Variants in LRP1 observed in about 807,000 individuals in gnomAD.
LRP1 encodes prolow-density lipoprotein receptor-related protein 1.
In LRP1, 51 loss-of-function variants were observed where a neutral mutation model predicts 541.5. The ratio of observed to expected loss-of-function variants is 0.09; its 90% CI spans 0.08 to 0.12. The LOEUF is 0.12. Ranked by LOEUF, LRP1 falls within the 10% of genes least tolerant of loss-of-function variation. LRP1 has a pLI of 1.00. For missense variants in LRP1, 3,878 were observed against 6,376.2 expected, an observed-to-expected ratio of 0.61 and a Z score of 13.34; for synonymous variants, 2,219 against 2,470.8, an observed-to-expected ratio of 0.90 and a Z score of 3.02.
intron 51 of LRP1, 72 bp downstream of exon 51, chr12:57,195,173 C>A: frequency 6.3e-7 from 1 of 1,591,686 alleles, no homozygotes; most frequent in South Asian, 1.1e-5. Context: ...CCACCCCACA[C>A]ACAGACACCC....
At chr12:57,166,293 G>A (rs981006946) in intron 17 of LRP1, 84 bp downstream of exon 17, 2 of 1,483,732 alleles carry the variant, frequency 1.3e-6, no homozygotes, top group African/African-American at 2.8e-5. Context: ...AGTGGCTCAT[G>A]CCTATAATCT....
intron 2 of LRP1, among the ~76,000 whole-genome samples, 174 bp downstream of exon 2, chr12:57,138,755 A>G (rs2035226310): frequency 6.6e-6 from 1 of 152,216 alleles, no homozygotes; most frequent in Admixed American, 6.5e-5. Flanking sequence ...AATGCTTGGC[A>G]TGGTGCCTGT....
chr12:57,187,384 T>C lies in LRP1; in HGVS notation c.6959T>C (p.Phe2320Ser), dbSNP rs1170255895. 4 of 1,614,188 alleles carry C rather than the reference T, an allele frequency of 2.5e-6. No individual in the cohort carries two copies. The highest frequency in any genetic ancestry group is 3.4e-6 in the Non-Finnish European group (4 of 1,180,042). Residue 2320 changes from phenylalanine (F) to serine (S), a missense_variant, in exon 42 of 89, where the codon TTC (phenylalanine) becomes TCC (serine). Physicochemically the swap from Phe to Ser is radical, Grantham distance 155. Transcript: ENST00000243077. ...GTGGACCAGACCCGCCCAGGGGCCT[T>C]CGAGCGTGAGACCGTCATCACTATG... ...HTVDQTRPGA[F>S]ERETVITMSG...
Position 57,204,339 on chromosome 12 carries a change from C to G in LRP1, c.10952-71C>G. 1 of 1,451,358 alleles carries G rather than the reference C, an allele frequency of 6.9e-7. No individual in the cohort carries two copies. 89.9% of individuals were successfully genotyped at this position (1,451,358 alleles called of 1,614,324 possible). On this transcript the variant is annotated intron_variant, in intron 70 of 88. Coordinates refer to ENST00000243077, the MANE Select transcript of LRP1 (RefSeq NM_002332.3). This position sits in a 1 kb window ranked among gnomAD's most constrained non-coding sequence, Gnocchi z 5.3. ...CTGGTGACCCCTCTGAGCCTGGAAC[C>G]CCCACCTGTGGAGACAGGGGTCTGG...
chr12:57,158,486 A>T lies in LRP1; in HGVS notation c.1646A>T (p.Asp549Val), dbSNP rs2035665527. 1 of 1,614,042 alleles carries T rather than the reference A, an allele frequency of 6.2e-7. No individual in the cohort carries two copies. Among genetic ancestry groups the T allele is most frequent in the Non-Finnish European group, 8.5e-7 (1 of 1,180,010 alleles). Residue 549 changes from aspartate (D) to valine (V), a missense_variant, in exon 11 of 89, where the codon GAT (aspartate) becomes GTT (valine). By Grantham distance (152) the Asp-to-Val change is radical (BLOSUM62 -3). Coordinates refer to ENST00000243077, the MANE Select transcript of LRP1 (RefSeq NM_002332.3). The surrounding 1 kb of genome is among the most constrained non-coding windows in gnomAD (Gnocchi z 5.3). ...ATGGATATGGGGGCCAAGGTCCCGG[A>T]TGAGCACATGATCCCCATTGAAAAC... is the stretch of plus-strand genomic sequence containing the variant. ...RGMDMGAKVP[D>V]EHMIPIENLM...
chr12:57,201,206 G>A lies in LRP1; in HGVS notation c.10345+53G>A. 2 of 1,608,158 alleles carry A rather than the reference G, an allele frequency of 1.2e-6. No homozygotes were observed. The highest frequency in any genetic ancestry group is 8.5e-7 in the Non-Finnish European group (1 of 1,175,540). ...GTGGTGGGAGATGACACGGAAGCAG[G>A]GCAGGCAGAATCTCCCCACAGCTTT... On this transcript the variant is annotated intron_variant, in intron 65 of 88. Coordinates refer to ENST00000243077, the MANE Select transcript of LRP1 (RefSeq NM_002332.3). This position sits in a 1 kb window ranked among gnomAD's most constrained non-coding sequence, Gnocchi z 6.4.
At position 57,203,384 on chromosome 12, in the gene LRP1, C is replaced by T. The variant is rs750248371; in HGVS notation, c.10819-5C>T. On this transcript the variant is annotated splice_polypyrimidine_tract_variant and splice_region_variant and intron_variant, in intron 69 of 88. Coordinates refer to ENST00000243077, the MANE Select transcript of LRP1 (RefSeq NM_002332.3). ...GTGACCGGCTGCCTGTGCCCATGCC[C>T]ACAGAAAGACTGCACCCCCCGCTGT... 14 of 1,603,042 alleles carry T rather than the reference C, an allele frequency of 8.7e-6. No individual in the cohort carries two copies. Among genetic ancestry groups the T allele is most frequent in the Middle Eastern group, 3.3e-4 (2 of 6,042 alleles).
At chr12:57,174,064 T>A in intron 22 of LRP1, 84 bp downstream of exon 22, 2 of 1,397,036 alleles carry the variant, frequency 1.4e-6, no homozygotes, top group Middle Eastern at 2.4e-4. Flanking sequence ...GACCTGAGTC[T>A]AGGAGAGAGC....
In LRP1 at chr12:57,175,453, C is replaced by T. The variant is rs748365756; in HGVS notation, c.3548-7C>T. The T allele has an allele frequency of 1.2e-6, 2 of 1,612,604 alleles. No individual in the cohort carries two copies. Among genetic ancestry groups the T allele is most frequent in the Non-Finnish European group, 1.7e-6 (2 of 1,180,018 alleles). On this transcript the variant is annotated splice_region_variant and splice_polypyrimidine_tract_variant and intron_variant, in intron 22 of 88. Coordinates refer to ENST00000243077, the MANE Select transcript of LRP1 (RefSeq NM_002332.3). The stretch of plus-strand genomic sequence containing the variant: ...CTGGGTCTGTTCCATGCCTGCCCCT[C>T]CCCTAGACCAGTGCTCTCTGAATAA...
chr12:57,146,493 A>G (rs2035409076), intron 6 of LRP1: 1 of 152,200 alleles, frequency 6.6e-6, no homozygotes, highest in Non-Finnish European at 1.5e-5. Context: ...GCCTCTCTAG[A>G]AGATCTTCAA....
chr12:57,155,703 C>CT (rs1316956763), intron 8 of LRP1: 3 of 172,274 alleles, frequency 1.7e-5, no homozygotes, highest in East Asian at 1.8e-4. Flanking sequence ...AATCCCAGCA[C>CT]TTTGGGAGGC....
chr12:57,195,123 C>T (rs748760457), intron 51 of LRP1, 22 bp downstream of exon 51: 15 of 1,608,378 alleles, frequency 9.3e-6, no homozygotes, highest in East Asian at 2.2e-5. Context: ...GGGATTGGGC[C>T]GGGGGAGGTG....
intron 76 of LRP1, among the ~76,000 whole-genome samples, chr12:57,207,530 CAAAA>C (rs11336238): frequency 2.0e-4 from 27 of 135,366 alleles, no homozygotes; most frequent in African/African-American, 6.0e-4. Flanking sequence ...GACTCCGTCT[CAAAA>C]AAAAAAAAAA....
In LRP1 at chr12:57,176,943, C is replaced by G; in HGVS notation, c.3992-98C>G. On this transcript the variant is annotated intron_variant, in intron 24 of 88. Coordinates refer to ENST00000243077, the MANE Select transcript of LRP1 (RefSeq NM_002332.3). ...ACATCAGAAACTTTGGCAGAAGTGC[C>G]AGGGTTGAGGGTGGGTCATCGAGGG... is the stretch of plus-strand genomic sequence containing the variant. 12 of 1,006,846 alleles carry G rather than the reference C, an allele frequency of 1.2e-5. 1 individual carries two copies. The South Asian group carries it at 1.5e-4, about 12-fold the overall frequency. 62.4% of individuals were successfully genotyped at this position (1,006,846 alleles called of 1,614,324 possible).
In LRP1 at chr12:57,197,142, C is replaced by A; in HGVS notation, c.9053C>A (p.Pro3018His). 6.2e-7 allele frequency: 1 copy of A among 1,613,920 alleles called. No individual in the cohort carries two copies. The highest frequency in any genetic ancestry group is 8.5e-7 in the Non-Finnish European group (1 of 1,180,018). The change falls in exon 56 of 89, where the codon CCC becomes CAC. Residue 3018 changes from proline to histidine, a missense_variant. Physicochemically the swap from Pro to His is moderately conservative, Grantham distance 77. Around this residue, in one of 13 missense-constraint regions of LRP1, gnomAD observed 1,100 missense variants for 1,827.4 expected, o/e 0.60. Coordinates refer to ENST00000243077, the MANE Select transcript of LRP1 (RefSeq NM_002332.3). This position sits in a 1 kb window ranked among gnomAD's most constrained non-coding sequence, Gnocchi z 4.5. ...GGCTATGCACCCCGCGGCGGCGACCCCCACAGCTGCAAGGCTGTGACTGGT... is the reference window on the plus strand; with the variant it reads ...GGCTATGCACCCCGCGGCGGCGACCACCACAGCTGCAAGGCTGTGACTGGT... Reference protein sequence around the residue: ...VEGYAPRGGDPHSCKAVTDEE... With the variant: ...VEGYAPRGGDHHSCKAVTDEE...
At position 57,209,064 on chromosome 12, in the gene LRP1, G is replaced by A. The variant is rs780876262; in HGVS notation, c.12146-19G>A. On this transcript the variant is annotated intron_variant, in intron 78 of 88. Transcript: ENST00000243077. ...GGGTTGGGGAGGCCAAGCTCTCACA[G>A]TGCTCTCTCTCTCCCCAGGCCTGGC... 1.9e-6 allele frequency: 3 copies of A among 1,597,696 alleles called. No individual in the cohort carries two copies. The highest frequency in any genetic ancestry group is 2.2e-5 in the East Asian group (1 of 44,616).
chr12:57,161,078 G>A lies in LRP1; in HGVS notation c.2165G>A (p.Arg722His), dbSNP rs139574269. 14 of 1,613,648 alleles carry A rather than the reference G, an allele frequency of 8.7e-6. No individual in the cohort carries two copies. The highest frequency in any genetic ancestry group is 1.0e-5 in the Non-Finnish European group (12 of 1,180,034). ...TACTGGGTGGATGCCTTCTACGACC[G>A]CATCGAGACGATACTGCTCAATGGC... Reference protein sequence around the residue: ...RLYWVDAFYDRIETILLNGTD... With the variant: ...RLYWVDAFYDHIETILLNGTD... The change falls in exon 13 of 89, where the codon CGC becomes CAC. Residue 722 changes from arginine to histidine, a missense_variant. Around this residue, in one of 13 missense-constraint regions of LRP1, gnomAD observed 496 missense variants for 861.0 expected, o/e 0.58. Coordinates refer to ENST00000243077, the MANE Select transcript of LRP1 (RefSeq NM_002332.3).
chr12:57,211,881 G>A lies in LRP1; in HGVS notation c.13259-46G>A, dbSNP rs758720049. The A allele has an allele frequency of 7.4e-6, 12 of 1,613,424 alleles. No homozygotes were observed. The African/African-American group carries it at 1.1e-4, about 14-fold the overall frequency. On this transcript the variant is annotated intron_variant, in intron 86 of 88. Transcript: ENST00000243077. The surrounding 1 kb of genome is among the most constrained non-coding windows in gnomAD (Gnocchi z 4.3). Reference sequence around the variant, plus strand: ...AGAGCAGGGGGACCGTGTGCCTCCTGCTTCCCTGAGCCTTGGTGACTCAGT... The same window carrying A: ...AGAGCAGGGGGACCGTGTGCCTCCTACTTCCCTGAGCCTTGGTGACTCAGT...
rs1055245565 is a variant in LRP1, at chr12:57,154,959, C to T, written c.1227+258C>T. ...GTTTCTCATTTGACCCTTATAATAA[C>T]CCCTAGCTGATGAACAGGGAGGTGG... On this transcript the variant is annotated intron_variant, in intron 8 of 88. Coordinates refer to ENST00000243077, the MANE Select transcript of LRP1 (RefSeq NM_002332.3). The surrounding 1 kb of genome is among the most constrained non-coding windows in gnomAD (Gnocchi z 4.6). The T allele has an allele frequency of 1.7e-6, 1 of 596,722 alleles. No individual in the cohort carries two copies. The allele number at this position is 596,722 out of a possible 1,614,324, so 37.0% of individuals were successfully genotyped here. A position where few individuals can be genotyped will look rare whatever the true frequency, so the allele number is the denominator to read the frequency against.
Sources: allele counts gnomAD v4.1 joint callset (sites outside exome capture counted in the v4.1 genomes callset), GRCh38; gene constraint gnomAD v4.1.1; regional missense constraint gnomAD v4.1.1; non-coding constraint Gnocchi (gnomAD v3.1); transcripts MANE v1.5; gene names NCBI Gene and HGNC (gene_info 2026-07-23, HGNC 2026-07-21).